The following GABRD variants were observed in gnomAD, a reference collection of about 807,000 sequenced individuals.
GABRD encodes gamma-aminobutyric acid receptor subunit delta.
In GABRD, 25 loss-of-function variants were observed where a neutral mutation model predicts 47.3. The observed-to-expected ratio is 0.53, with a 90% CI of 0.39 to 0.74. The LOEUF (loss-of-function observed/expected upper bound fraction) is 0.74, where lower values mean the gene tolerates loss of function less well. Ranked by LOEUF, GABRD falls within the 30% of genes least tolerant of loss-of-function variation. GABRD has a pLI of 0.00. For missense variants in GABRD, 497 were observed against 643.4 expected (o/e 0.77, Z 2.46); for synonymous variants, 314 against 278.8 (o/e 1.13, Z -1.26).
At chr1:2,024,614 C>T in intron 1 of GABRD, 1 of 202,806 alleles carries the variant, frequency 4.9e-6, no homozygotes, top group Non-Finnish European at 9.9e-6. Context: ...AGGAGGGAGG[C>T]TGTTAGCCTG....
In GABRD at chr1:2,029,023, C is replaced by T. The variant is rs1367315473; in HGVS notation, c.692-88C>T. 1.3e-5 allele frequency: 20 copies of T among 1,492,072 alleles called. No homozygotes were observed. The East Asian group carries it at 2.0e-4, about 15-fold the overall frequency. The allele number at this position is 1,492,072 out of a possible 1,614,324, so 92.4% of individuals were successfully genotyped here. ...CTCTCTTCTGAGCCCTGGTGGGCCC[C>T]GTAGCTGCCAAGCCCTGCAGCCCCT... On this transcript the variant is annotated intron_variant, in intron 6 of 8. Transcript: ENST00000378585.
Position 2,030,015 on chromosome 1 carries a change from C to G in GABRD, c.1092C>G (p.Ser364=), listed in dbSNP as rs539396639. Residue 364 remains serine, a synonymous_variant, in exon 9 of 9, where the codon TCC becomes TCG. Coordinates refer to ENST00000378585, the MANE Select transcript of GABRD (RefSeq NM_000815.5). ...TGAGGAACGCCATTGTCCTCTTCTC[C>G]CTCTCTGCTGCCGGCGTCACGCAGG... ...MDVRNAIVLF[S]LSAAGVTQEL... is the part of the protein sequence containing the mutation. 1 of 1,612,746 alleles carries G rather than the reference C, an allele frequency of 6.2e-7. No individual in the cohort carries two copies. Among genetic ancestry groups the G allele is most frequent in the African/African-American group, 1.3e-5 (1 of 75,064 alleles).
Position 2,029,574 on chromosome 1 carries a change from A to G in GABRD, c.871A>G (p.Thr291Ala). 1 of 1,612,956 alleles carries G rather than the reference A, an allele frequency of 6.2e-7. No homozygotes were observed. The highest frequency in any genetic ancestry group is 8.5e-7 in the Non-Finnish European group (1 of 1,179,984). The part of the protein sequence containing the change: ...SLGITTVLTM[T>A]TLMVSARSSL... ...AGGCATCACCACGGTGCTGACGATG[A>G]CCACGCTCATGGTCAGTGCCCGCTC... The change falls in exon 8 of 9, where the codon ACC (threonine) becomes GCC (alanine). Residue 291 changes from threonine to alanine, a missense_variant. This residue lies in a region of GABRD where 285 missense variants were observed against 436.6 expected (regional missense o/e 0.65). Transcript: ENST00000378585.
At position 2,030,038 on chromosome 1, in the gene GABRD, A is replaced by C. The variant is rs1659040935; in HGVS notation, c.1115A>C (p.Gln372Pro). ...LFSLSAAGVT[Q>P]ELAISRRQRR... ...TCCCTCTCTGCTGCCGGCGTCACGCAGGAGCTGGCCATCTCCCGCCGGCAG... is the reference window on the plus strand; with the variant it reads ...TCCCTCTCTGCTGCCGGCGTCACGCCGGAGCTGGCCATCTCCCGCCGGCAG... The change falls in exon 9 of 9, where the codon CAG (glutamine) becomes CCG (proline). Residue 372 changes from glutamine to proline, a missense_variant. By Grantham distance (76) the Gln-to-Pro change is moderately conservative (BLOSUM62 -1). Around this residue, in one of 3 missense-constraint regions of GABRD, gnomAD observed 285 missense variants for 436.6 expected, o/e 0.65. Transcript: ENST00000378585. 1.2e-6 allele frequency: 2 copies of C among 1,612,482 alleles called. No homozygotes were observed. Among genetic ancestry groups the C allele is most frequent in the Non-Finnish European group, 1.7e-6 (2 of 1,179,864 alleles).
At chr1:2,026,345 C>T (rs1217239874) in intron 4 of GABRD, among the ~76,000 whole-genome samples, 1 of 152,266 alleles carries the variant, frequency 6.6e-6, no homozygotes, top group Non-Finnish European at 1.5e-5. Flanking sequence ...CCTTCTTCTT[C>T]ATGGCCTAGG....
At position 2,029,589 on chromosome 1, in the gene GABRD, A is replaced by G. The variant is rs1366824512; in HGVS notation, c.886A>G (p.Ser296Gly). ...TVLTMTTLMVSARSSLPRASA... is the reference protein window; with the variant it reads ...TVLTMTTLMVGARSSLPRASA... ...GCTGACGATGACCACGCTCATGGTC[A>G]GTGCCCGCTCCTCCCTGCCACGGGC... Residue 296 changes from serine (S) to glycine (G), a missense_variant, in exon 8 of 9, where the codon AGT becomes GGT. This residue lies in a region of GABRD where 285 missense variants were observed against 436.6 expected (regional missense o/e 0.65). Coordinates refer to ENST00000378585, the MANE Select transcript of GABRD (RefSeq NM_000815.5). 1 of 1,613,108 alleles carries G rather than the reference A, an allele frequency of 6.2e-7. No homozygotes were observed. Among genetic ancestry groups the G allele is most frequent in the Admixed American group, 1.7e-5 (1 of 60,026 alleles).
In GABRD at chr1:2,028,395, C is replaced by T; in HGVS notation, c.691+103C>T. The T allele has an allele frequency of 8.0e-7, 1 of 1,245,490 alleles. No homozygotes were observed. Among genetic ancestry groups the T allele is most frequent in the Non-Finnish European group, 1.0e-6 (1 of 971,410 alleles). The allele number at this position is 1,245,490 out of a possible 1,614,324, so 77.2% of individuals were successfully genotyped here. On this transcript the variant is annotated intron_variant, in intron 6 of 8. Transcript: ENST00000378585. This position sits in a 1 kb window ranked among gnomAD's most constrained non-coding sequence, Gnocchi z 6.4. ...CCACCGCCCCTTCCGCGTGCGCCCGCCTGTGGTTTTCATGCTTTTTAGTCA... is the reference window on the plus strand; with the variant it reads ...CCACCGCCCCTTCCGCGTGCGCCCGTCTGTGGTTTTCATGCTTTTTAGTCA...
At chr1:2,029,804 C>A (rs1282613806) in intron 8 of GABRD, 42 bp downstream of exon 8, 1 of 1,573,876 alleles carries the variant, frequency 6.4e-7, no homozygotes, top group Non-Finnish European at 8.7e-7. Flanking sequence ...CTGCTGGGGG[C>A]CCCAACCAGG....
rs115780100 is a variant in GABRD at position 2,026,303 on chromosome 1, G to A, written c.470+565G>A. ...CGTTACTCAGCATCACGTCCTCACG[G>A]TTCATCCCAGTGGAAGCCGGAGTCA... On this transcript the variant is annotated intron_variant, in intron 4 of 8. Coordinates refer to ENST00000378585, the MANE Select transcript of GABRD (RefSeq NM_000815.5). Among the ~76,000 whole-genome samples the A allele has an allele frequency of 4.7e-3, 709 of 152,292 alleles. 4 individuals are homozygous for A. Among genetic ancestry groups the A allele is most frequent in the African/African-American group, 0.016 (658 of 41,552 alleles).
rs570687659 is a variant in GABRD, at chr1:2,029,986, G to C, written c.1063G>C (p.Asp355His). 6.2e-7 allele frequency: 1 copy of C among 1,612,678 alleles called. No homozygotes were observed. The highest frequency in any genetic ancestry group is 1.1e-5 in the South Asian group (1 of 91,042). Reference sequence around the variant, plus strand: ...TCCCCCACCGGCCTTCGTGCAGATGGACGTGAGGAACGCCATTGTCCTCTT... The same window carrying C: ...TCCCCCACCGGCCTTCGTGCAGATGCACGTGAGGAACGCCATTGTCCTCTT... Reference protein sequence around the residue: ...VKVSRPRAEMDVRNAIVLFSL... With the variant: ...VKVSRPRAEMHVRNAIVLFSL... The change falls in exon 9 of 9, where the codon GAC (aspartate) becomes CAC (histidine). Residue 355 changes from aspartate (D) to histidine (H), a missense_variant. Physicochemically the swap from Asp to His is moderately conservative, Grantham distance 81. Transcript: ENST00000378585.
In GABRD at chr1:2,028,296, A is replaced by G. The variant is rs1480117042; in HGVS notation, c.691+4A>G. On this transcript the variant is annotated splice_donor_region_variant and intron_variant, in intron 6 of 8. Coordinates refer to ENST00000378585, the MANE Select transcript of GABRD (RefSeq NM_000815.5). The surrounding 1 kb of genome is among the most constrained non-coding windows in gnomAD (Gnocchi z 6.4). ...GAGCTGATGAACTTCAAGTCCGGTA[A>G]CATATGCCCGCCGCCCCTTCCGCAT... 5.6e-6 allele frequency: 9 copies of G among 1,607,020 alleles called. No homozygotes were observed. Among genetic ancestry groups the G allele is most frequent in the South Asian group, 1.1e-5 (1 of 90,848 alleles).
intron 5 of GABRD, 186 bp from the exon 6 acceptor site, chr1:2,027,969 A>G (rs1481018720): frequency 1.5e-6 from 1 of 650,468 alleles, no homozygotes. Flanking sequence ...TGTCCCATCC[A>G]CCTGCCCGGA....
intron 4 of GABRD, chr1:2,027,088 G>C (rs575687090): frequency 4.6e-6 from 1 of 218,458 alleles, no homozygotes; most frequent in Non-Finnish European, 9.2e-6. Flanking sequence ...CTCAAGCCCC[G>C]GGGGGTTGAG....
At chr1:2,029,451 G>C in intron 7 of GABRD, 100 bp from the exon 8 acceptor site, 1 of 1,509,170 alleles carries the variant, frequency 6.6e-7, no homozygotes, top group Non-Finnish European at 9.0e-7. Context: ...GCATGGGGGT[G>C]GGGGGCAGCG....
At chr1:2,026,155 C>G (rs934400318) in intron 4 of GABRD, among the ~76,000 whole-genome samples, 1 of 152,262 alleles carries the variant, frequency 6.6e-6, no homozygotes, top group Non-Finnish European at 1.5e-5. Context: ...CTCCACTCCG[C>G]CCTCCCTGGA....
intron 1 of GABRD, among the ~76,000 whole-genome samples, chr1:2,021,655 C>T (rs570908773): frequency 2.3e-4 from 35 of 152,318 alleles, no homozygotes; most frequent in African/African-American, 6.0e-4. Context: ...TGCATGCCCG[C>T]GTGGGTGGCC....
intron 1 of GABRD, among the ~76,000 whole-genome samples, chr1:2,022,542 T>C (rs565933565): frequency 1.3e-5 from 2 of 152,350 alleles, no homozygotes; most frequent in East Asian, 3.9e-4. Flanking sequence ...GGGCAAGAGA[T>C]GTGGCCCAGG....
chr1:2,026,966 CAACAT>C, intron 4 of GABRD: 1 of 162,920 alleles, frequency 6.1e-6, no homozygotes, highest in Non-Finnish European at 1.4e-5. Context: ...CCAGCCTGGG[CAACAT>C]AGGGAGATCC....
Position 2,028,334 on chromosome 1 carries a change from C to A in GABRD, c.691+42C>A. The A allele has an allele frequency of 6.4e-7, 1 of 1,569,940 alleles. No homozygotes were observed. Among genetic ancestry groups the A allele is most frequent in the Non-Finnish European group, 8.7e-7 (1 of 1,155,364 alleles). On this transcript the variant is annotated intron_variant, in intron 6 of 8. Coordinates refer to ENST00000378585, the MANE Select transcript of GABRD (RefSeq NM_000815.5). The surrounding 1 kb of genome is among the most constrained non-coding windows in gnomAD (Gnocchi z 6.4). ...GCCCCTTCCGCATGTGCCCGCCGCCCCTTCCGCGCGCGCCCACCGCCCCTT... is the reference window on the plus strand; with the variant it reads ...GCCCCTTCCGCATGTGCCCGCCGCCACTTCCGCGCGCGCCCACCGCCCCTT...
Sources: allele counts gnomAD v4.1 joint callset (sites outside exome capture counted in the v4.1 genomes callset), GRCh38; gene constraint gnomAD v4.1.1; regional missense constraint gnomAD v4.1.1; non-coding constraint Gnocchi (gnomAD v3.1); transcripts MANE v1.5; gene names NCBI Gene and HGNC (gene_info 2026-07-23, HGNC 2026-07-21).